GPNMB: variants seen among roughly 807,000 people sequenced by gnomAD.
The protein encoded by GPNMB is glycoprotein nmb.
In GPNMB, 71 loss-of-function variants were observed where a neutral mutation model predicts 57.3. The ratio of observed to expected loss-of-function variants is 1.24; its 90% CI spans 1.02 to 1.51. GPNMB has a LOEUF of 1.51. Ranked by LOEUF, GPNMB falls within the 40% of genes most tolerant of loss-of-function variation. The pLI is 0.00. For missense variants in GPNMB, 677 were observed against 691.9 expected (o/e 0.98, Z 0.24); for synonymous variants, 253 against 263.2 (o/e 0.96, Z 0.38).
intron 6 of GPNMB, among the ~76,000 whole-genome samples, chr7:23,265,423 A>G (rs1167782263): frequency 6.6e-6 from 1 of 152,202 alleles, no homozygotes; most frequent in African/African-American, 2.4e-5. Flanking sequence ...TTATCTTGCT[A>G]AAGGAGCAGC....
intron 2 of GPNMB, 110 bp from the exon 3 acceptor site, chr7:23,254,059 T>C (rs1782719857): frequency 3.8e-6 from 3 of 795,034 alleles, no homozygotes; most frequent in Non-Finnish European, 5.7e-6. Flanking sequence ...TAATATATTA[T>C]AAAGAGGCAT....
rs1377420774 is a variant in GPNMB, at chr7:23,259,988, T to G, written c.550T>G (p.Phe184Val). 1 of 1,613,990 alleles carries G rather than the reference T, an allele frequency of 6.2e-7. No individual in the cohort carries two copies. Among genetic ancestry groups the G allele is most frequent in the African/African-American group, 1.3e-5 (1 of 74,906 alleles). The change falls in exon 5 of 11, where the codon TTC (phenylalanine) becomes GTC (valine). Residue 184 changes from phenylalanine to valine, a missense_variant. Coordinates refer to ENST00000258733, the MANE Select transcript of GPNMB (RefSeq NM_002510.3). The part of the protein sequence containing the change: ...IYVFHTLGQY[F>V]QKLGRCSVRV... ...TTTCCATCCTCCCAAAGGTCAGTAT[T>G]TCCAGAAATTGGGACGATGTTCAGT... is the stretch of plus-strand genomic sequence containing the variant.
intron 1 of GPNMB, chr7:23,247,686 G>C (rs1348684015): frequency 6.6e-6 from 1 of 152,398 alleles, no homozygotes. Flanking sequence ...CAAAGGCGCA[G>C]CGGCTTCTGG....
At chr7:23,251,341 G>A (rs144768755) in intron 1 of GPNMB, among the ~76,000 whole-genome samples, 1 of 152,320 alleles carries the variant, frequency 6.6e-6, no homozygotes, top group Non-Finnish European at 1.5e-5. Context: ...TTTAAGAGAA[G>A]AACAAGACAG....
rs754253310 is a variant in GPNMB, at chr7:23,270,054, G to C, written c.1308G>C (p.Glu436Asp). ...TCTGCAGCCCTGTGGATGTGGATGA[G>C]ATGTGTCTGCTGACTGTGAGACGAA... Reference protein sequence around the residue: ...NTVCSPVDVDEMCLLTVRRTF... With the variant: ...NTVCSPVDVDDMCLLTVRRTF... The change falls in exon 9 of 11, where the codon GAG (glutamate) becomes GAC (aspartate). Residue 436 changes from glutamate to aspartate, a missense_variant. Physicochemically the swap from Glu to Asp is conservative, Grantham distance 45. Transcript: ENST00000258733. The C allele has an allele frequency of 6.2e-7, 1 of 1,613,970 alleles. No individual in the cohort carries two copies. The highest frequency in any genetic ancestry group is 1.3e-5 in the African/African-American group (1 of 74,908).
chr7:23,263,496 C>T (rs972257681), intron 6 of GPNMB, among the ~76,000 whole-genome samples: 2 of 151,656 alleles, frequency 1.3e-5, no homozygotes, highest in African/African-American at 4.8e-5. Flanking sequence ...TCTGTAATCC[C>T]AGCTACTTGG....
Position 23,266,587 on chromosome 7 carries a change from C to T in GPNMB, c.1089C>T (p.Gly363=), listed in dbSNP as rs1666725200. Residue 363 remains glycine, a synonymous_variant, in exon 7 of 11, where the codon GGC becomes GGT. Transcript: ENST00000258733. ...PDENCQINRY[G]HFQATITIVE... The stretch of plus-strand genomic sequence containing the variant: ...AAAACTGCCAGATTAACAGATATGG[C>T]CACTTTCAAGCCACCATCACAATTG... The T allele has an allele frequency of 6.2e-7, 1 of 1,613,772 alleles. No individual in the cohort carries two copies. The highest frequency in any genetic ancestry group is 1.1e-5 in the South Asian group (1 of 91,050).
chr7:23,262,447 C>T (rs888022292), intron 6 of GPNMB, among the ~76,000 whole-genome samples: 1 of 151,948 alleles, frequency 6.6e-6, no homozygotes, highest in Non-Finnish European at 1.5e-5. Context: ...TTCATTTACA[C>T]AAGAGGGCTA....
chr7:23,262,344 T>C (rs1020934555), intron 6 of GPNMB, among the ~76,000 whole-genome samples: 2 of 152,184 alleles, frequency 1.3e-5, no homozygotes, highest in Non-Finnish European at 2.9e-5. Context: ...ACCCTGTTAA[T>C]AATTGGGAGG....
chr7:23,273,243 G>C (rs1402622789), intron 9 of GPNMB: 1 of 316,664 alleles, frequency 3.2e-6, no homozygotes, highest in African/African-American at 2.2e-5. Context: ...ACACGGTGGC[G>C]CTGCTGGGTC....
chr7:23,247,946 C>G (rs1172454756), intron 1 of GPNMB: 1 of 152,324 alleles, frequency 6.6e-6, no homozygotes, highest in East Asian at 1.9e-4. Context: ...CCACACGAGG[C>G]CACGGGCCAC....
chr7:23,251,397 C>T (rs1463522283), intron 1 of GPNMB, among the ~76,000 whole-genome samples: 2 of 152,172 alleles, frequency 1.3e-5, no homozygotes, highest in African/African-American at 4.8e-5. Flanking sequence ...GACATAGAAC[C>T]ACAGAAATTA....
chr7:23,248,057 C>T (rs537183209), intron 1 of GPNMB: 1 of 152,290 alleles, frequency 6.6e-6, no homozygotes, highest in African/African-American at 2.4e-5. Context: ...TGGGGTTGGA[C>T]AGGCTCGGGC....
Position 23,259,974 on chromosome 7 carries a change from C to T in GPNMB, c.542-6C>T. The T allele has an allele frequency of 2.5e-6, 4 of 1,613,794 alleles. No individual in the cohort carries two copies. The highest frequency in any genetic ancestry group is 3.4e-6 in the Non-Finnish European group (4 of 1,179,794). On this transcript the variant is annotated splice_region_variant and splice_polypyrimidine_tract_variant and intron_variant, in intron 4 of 10. Coordinates refer to ENST00000258733, the MANE Select transcript of GPNMB (RefSeq NM_002510.3). ...CCAATAACTAAAAATTTCCATCCTC[C>T]CAAAGGTCAGTATTTCCAGAAATTG...
intron 6 of GPNMB, among the ~76,000 whole-genome samples, chr7:23,265,247 G>C (rs911473601): frequency 6.6e-6 from 1 of 152,116 alleles, no homozygotes; most frequent in African/African-American, 2.4e-5. Flanking sequence ...ATTCTGAGAA[G>C]CCCTGGGGAA....
chr7:23,253,460 G>A lies in GPNMB; in HGVS notation c.223+1G>A. 6.2e-7 allele frequency: 1 copy of A among 1,612,896 alleles called. No homozygotes were observed. The highest frequency in any genetic ancestry group is 8.5e-7 in the Non-Finnish European group (1 of 1,179,320). On this transcript the variant is annotated splice_donor_variant, in intron 2 of 10. Coordinates refer to ENST00000258733, the MANE Select transcript of GPNMB (RefSeq NM_002510.3). LOFTEE classifies it high-confidence loss of function. ...ATGAGGTGGAAAAACTCCTGGAAGGGTAAGTCAAAAGATTCAAACCAAACA... is the reference window on the plus strand; with the variant it reads ...ATGAGGTGGAAAAACTCCTGGAAGGATAAGTCAAAAGATTCAAACCAAACA...
At chr7:23,260,358 C>T (rs1039977580) in intron 5 of GPNMB, 98 bp from the exon 6 acceptor site, 1 of 1,111,224 alleles carries the variant, frequency 9.0e-7, no homozygotes, top group African/African-American at 1.6e-5. Flanking sequence ...TAAATTATCC[C>T]TCATTTTAAT....
intron 9 of GPNMB, 169 bp from the exon 10 acceptor site, chr7:23,273,352 T>C (rs1783256320): frequency 1.7e-6 from 1 of 584,322 alleles, no homozygotes; most frequent in African/African-American, 1.9e-5. Context: ...AAATAGAAGA[T>C]AAGCTGACCC....
rs750383396 is a variant in GPNMB, at chr7:23,267,930, A to T, written c.1162A>T (p.Met388Leu). ...VNIIQMTDVL[M>L]PVPWPESSLI... ...CATCATCCAGATGACAGACGTCCTG[A>T]TGCCGGTGCCATGGCCTGAAAGCTC... Residue 388 changes from methionine to leucine, a missense_variant, in exon 8 of 11, where the codon ATG becomes TTG. Met to Leu is a conservative substitution (Grantham distance 15). Transcript: ENST00000258733. 1.9e-6 allele frequency: 3 copies of T among 1,613,928 alleles called. No homozygotes were observed. The highest frequency in any genetic ancestry group is 1.6e-4 in the Middle Eastern group (1 of 6,062).
Sources: gnomAD v4.1 joint callset for allele counts (sites outside exome capture counted in the v4.1 genomes callset) on GRCh38, gnomAD v4.1.1 for gene constraint, MANE v1.5 for transcripts, NCBI Gene and HGNC (gene_info 2026-07-23, HGNC 2026-07-21) for gene names.